PPM1H: variants seen among roughly 807,000 people sequenced by gnomAD.
PPM1H encodes the protein protein phosphatase 1H.
In PPM1H, 27 loss-of-function variants were observed where a neutral mutation model predicts 54.9. The ratio of observed to expected loss-of-function variants is 0.49; its 90% confidence interval spans 0.36 to 0.68. The LOEUF (loss-of-function observed/expected upper bound fraction) is 0.68. Among genes scored for constraint, PPM1H ranks in the 30% least tolerant of loss-of-function variants. The probability of loss-of-function intolerance (pLI) is 0.00; values close to 1 mark genes in which losing one functional copy is unlikely to be tolerated. For missense variants in PPM1H, 596 were observed against 667.8 expected (o/e 0.89, Z 1.19); for synonymous variants, 305 against 270.8 (o/e 1.13, Z -1.24).
intron 1 of PPM1H, among the ~76,000 whole-genome samples, chr12:62,915,336 C>T (rs1205052164): frequency 2.0e-5 from 3 of 152,246 alleles, no homozygotes; most frequent in Admixed American, 6.5e-5. Flanking sequence ...GCCTCACGCG[C>T]GACCTTCAGG....
chr12:62,793,837 G>C (rs1458803974), intron 3 of PPM1H, among the ~76,000 whole-genome samples: 2 of 151,812 alleles, frequency 1.3e-5, no homozygotes, highest in Non-Finnish European at 2.9e-5. Flanking sequence ...TGCCCGGGAT[G>C]GTAATAATTT....
chr12:62,729,099 G>A (rs1266268034), intron 5 of PPM1H, among the ~76,000 whole-genome samples: 1 of 152,130 alleles, frequency 6.6e-6, no homozygotes, highest in Non-Finnish European at 1.5e-5. Context: ...AGGGGTTTGG[G>A]GCTCAAAGAA....
intron 4 of PPM1H, among the ~76,000 whole-genome samples, chr12:62,768,451 C>T (rs893454985): frequency 1.2e-4 from 18 of 152,076 alleles, no homozygotes; most frequent in East Asian, 1.9e-4. Flanking sequence ...GTCAGGACTT[C>T]GAGACCAACC....
intron 1 of PPM1H, among the ~76,000 whole-genome samples, chr12:62,845,715 C>CT (rs2031768691): frequency 6.6e-6 from 1 of 152,204 alleles, no homozygotes; most frequent in Admixed American, 6.5e-5. Flanking sequence ...GATCCAAACA[C>CT]TAAGCACTGC....
chr12:62,822,446 T>C (rs1386753535), intron 2 of PPM1H, among the ~76,000 whole-genome samples: 2 of 152,208 alleles, frequency 1.3e-5, no homozygotes, highest in African/African-American at 4.8e-5. Flanking sequence ...CAACAGACTA[T>C]ACATTCTTCT....
At chr12:62,720,359 A>G in intron 5 of PPM1H, 70 bp from the exon 6 acceptor site, 1 of 1,260,280 alleles carries the variant, frequency 7.9e-7, no homozygotes, top group Non-Finnish European at 1.1e-6. Flanking sequence ...AGAATCAAGG[A>G]TGTTTTGCAA....
At chr12:62,792,870 T>TA (rs1198783373) in intron 3 of PPM1H, among the ~76,000 whole-genome samples, 5 of 152,334 alleles carry the variant, frequency 3.3e-5, no homozygotes, top group South Asian at 2.1e-4. Flanking sequence ...GCAAACATGA[T>TA]ATATTAAGTC....
intron 4 of PPM1H, among the ~76,000 whole-genome samples, chr12:62,764,971 G>C (rs1565782034): frequency 6.6e-6 from 1 of 152,246 alleles, no homozygotes; most frequent in Non-Finnish European, 1.5e-5. Flanking sequence ...GCTCAGGGGA[G>C]GCTCGAGGGA....
At chr12:62,843,352 A>G (rs936931866) in intron 1 of PPM1H, among the ~76,000 whole-genome samples, 4 of 152,124 alleles carry the variant, frequency 2.6e-5, no homozygotes, top group Non-Finnish European at 5.9e-5. Flanking sequence ...AAAAACCACA[A>G]GTGTTTTATA....
chr12:62,819,130 C>CTTTTTT (rs34661742), intron 2 of PPM1H, among the ~76,000 whole-genome samples: 1 of 113,838 alleles, frequency 8.8e-6, no homozygotes, highest in African/African-American at 3.5e-5. Flanking sequence ...CAAAACATTG[C>CTTTTTT]TTTTTTTTTT....
intron 1 of PPM1H, among the ~76,000 whole-genome samples, chr12:62,834,394 AGCTAAGC>A (rs1297220337): frequency 6.6e-6 from 1 of 152,230 alleles, no homozygotes; most frequent in African/African-American, 2.4e-5. Flanking sequence ...TTACTGCCTG[AGCTAAGC>A]AACTTATCAG....
intron 1 of PPM1H, among the ~76,000 whole-genome samples, chr12:62,933,150 G>A (rs1209034219): frequency 6.6e-6 from 1 of 152,092 alleles, no homozygotes; most frequent in African/African-American, 2.4e-5. Context: ...TACTGTCTGA[G>A]CTCCCATCAA....
At chr12:62,806,716 C>T (rs1347627602) in intron 2 of PPM1H, among the ~76,000 whole-genome samples, 2 of 152,180 alleles carry the variant, frequency 1.3e-5, no homozygotes, top group African/African-American at 4.8e-5. Flanking sequence ...CACGACTGAA[C>T]GTTTCCCTAA....
At chr12:62,658,686 G>C (rs2075861915) in intron 9 of PPM1H, 1 of 309,472 alleles carries the variant, frequency 3.2e-6, no homozygotes. Context: ...CAGGATGTTA[G>C]CGCAATGCAT....
chr12:62,670,801 T>C (rs1172360111), intron 8 of PPM1H, among the ~76,000 whole-genome samples: 3 of 152,188 alleles, frequency 2.0e-5, no homozygotes, highest in African/African-American at 7.2e-5. Flanking sequence ...AATAAAAAGC[T>C]GGTCACAACC....
chr12:62,725,414 G>A (rs1173436349), intron 5 of PPM1H, among the ~76,000 whole-genome samples: 1 of 152,090 alleles, frequency 6.6e-6, no homozygotes, highest in African/African-American at 2.4e-5. Flanking sequence ...ATATCCAGAG[G>A]AAAGAAACAT....
intron 1 of PPM1H, among the ~76,000 whole-genome samples, chr12:62,890,233 G>C (rs562647752): frequency 2.6e-5 from 4 of 152,320 alleles, no homozygotes; most frequent in African/African-American, 9.6e-5. Flanking sequence ...GGCTGAAGTA[G>C]AAGGATCGCT....
At chr12:62,882,420 G>T (rs1249507192) in intron 1 of PPM1H, among the ~76,000 whole-genome samples, 1 of 152,254 alleles carries the variant, frequency 6.6e-6, no homozygotes, top group Admixed American at 6.5e-5. Flanking sequence ...GAACCCCAAA[G>T]CCAGATAACA....
intron 4 of PPM1H, among the ~76,000 whole-genome samples, chr12:62,760,805 T>C (rs2076504134): frequency 6.6e-6 from 1 of 152,222 alleles, no homozygotes; most frequent in Non-Finnish European, 1.5e-5. Flanking sequence ...TAACTTTTCC[T>C]ATAAAAGGTG....
Sources: gnomAD v4.1 joint callset for allele counts (sites outside exome capture counted in the v4.1 genomes callset) on GRCh38, gnomAD v4.1.1 for gene constraint, MANE v1.5 for transcripts, NCBI Gene and HGNC (gene_info 2026-07-23, HGNC 2026-07-21) for gene names.